The following CYP2C19 variants were observed in gnomAD, a reference collection of about 807,000 sequenced individuals.
CYP2C19 encodes cytochrome P450 family 2 subfamily C member 19, also known as cytochrome P450 2C19.
Under a neutral mutation model 40.9 loss-of-function variants are expected in CYP2C19, and 59 were observed. The ratio of observed to expected loss-of-function variants is 1.44; its 90% CI spans 1.17 to 1.79. The LOEUF is 1.79. Among genes scored for constraint, CYP2C19 ranks in the 40% most tolerant of loss-of-function variants. The probability of loss-of-function intolerance (pLI) is 0.00; values close to 1 mark genes in which losing one functional copy is unlikely to be tolerated. For missense variants in CYP2C19, 754 were observed against 596.9 expected (o/e 1.26, Z -2.74); for synonymous variants, 253 against 208.7 (o/e 1.21, Z -1.83).
intron 1 of CYP2C19, among the ~76,000 whole-genome samples, chr10:94,765,891 G>C (rs1848234468): frequency 6.6e-6 from 1 of 152,092 alleles, no homozygotes; most frequent in Non-Finnish European, 1.5e-5. Flanking sequence ...CCTGATAACA[G>C]GTTGCATTGC....
chr10:94,811,234 T>A (rs1009237489), intron 5 of CYP2C19, among the ~76,000 whole-genome samples: 2 of 152,220 alleles, frequency 1.3e-5, no homozygotes, highest in Non-Finnish European at 2.9e-5. Flanking sequence ...GATGGCACTG[T>A]GGTCTAATAG....
intron 5 of CYP2C19, among the ~76,000 whole-genome samples, chr10:94,818,210 C>A (rs1193574601): frequency 4.4e-4 from 64 of 144,932 alleles, no homozygotes; most frequent in African/African-American, 1.3e-3. Flanking sequence ...AGGTATGCGG[C>A]GTTATTTCTG....
chr10:94,764,068 T>C (rs1337523549), intron 1 of CYP2C19, among the ~76,000 whole-genome samples: 3 of 151,912 alleles, frequency 2.0e-5, no homozygotes, highest in African/African-American at 7.3e-5. Flanking sequence ...AGGAGTGAAG[T>C]TGCAGACCTT....
intron 1 of CYP2C19, among the ~76,000 whole-genome samples, chr10:94,767,421 T>G (rs183706641): frequency 6.6e-6 from 1 of 152,330 alleles, no homozygotes; most frequent in Non-Finnish European, 1.5e-5. Flanking sequence ...CTTTAATCAC[T>G]TTCTCAGCCT....
intron 1 of CYP2C19, among the ~76,000 whole-genome samples, chr10:94,763,813 C>T (rs941138317): frequency 4.6e-5 from 7 of 151,996 alleles, no homozygotes; most frequent in African/African-American, 1.4e-4. Flanking sequence ...TTCTTGGTCT[C>T]GCTGACTTCA....
At chr10:94,806,230 A>C (rs933257650) in intron 5 of CYP2C19, among the ~76,000 whole-genome samples, 1 of 152,156 alleles carries the variant, frequency 6.6e-6, no homozygotes, top group Admixed American at 6.5e-5. Flanking sequence ...CGCATGTGTC[A>C]GATTTTTCTT....
chr10:94,850,651 A>T (rs551958467), intron 8 of CYP2C19, among the ~76,000 whole-genome samples: 1 of 152,326 alleles, frequency 6.6e-6, no homozygotes, highest in South Asian at 2.1e-4. Flanking sequence ...AATGAGACAT[A>T]AGTAACTAAT....
intron 6 of CYP2C19, among the ~76,000 whole-genome samples, chr10:94,821,397 G>A (rs74152371): frequency 0.022 from 3,306 of 152,230 alleles, 116 homozygotes; most frequent in African/African-American, 0.074. Context: ...TCTTATTGAA[G>A]GATAAATGGT....
At chr10:94,787,626 G>A (rs1339083318) in intron 5 of CYP2C19, among the ~76,000 whole-genome samples, 1 of 151,992 alleles carries the variant, frequency 6.6e-6, no homozygotes, top group Non-Finnish European at 1.5e-5. Flanking sequence ...TTGTTAGTTT[G>A]ATGTTTTAAA....
chr10:94,808,023 T>C (rs1433857500), intron 5 of CYP2C19, among the ~76,000 whole-genome samples: 3 of 152,166 alleles, frequency 2.0e-5, no homozygotes, highest in Non-Finnish European at 4.4e-5. Context: ...ATCATTTCAT[T>C]TGTTTTGAGT....
chr10:94,841,768 A>G (rs1849498913), intron 6 of CYP2C19, among the ~76,000 whole-genome samples: 2 of 152,180 alleles, frequency 1.3e-5, no homozygotes, highest in South Asian at 4.1e-4. Context: ...ATTCATGAGC[A>G]TATTGTTTAA....
chr10:94,840,312 C>T (rs1313032885), intron 6 of CYP2C19, among the ~76,000 whole-genome samples: 3 of 150,162 alleles, frequency 2.0e-5, no homozygotes, highest in African/African-American at 7.4e-5. Flanking sequence ...CTCTCTCTCT[C>T]TTAGCCATTA....
rs761705296 is a variant in CYP2C19 at position 94,828,330 on chromosome 10, T to C, written c.961+7693T>C. On this transcript the variant is annotated intron_variant, in intron 6 of 8. Coordinates refer to ENST00000371321, the MANE Select transcript of CYP2C19 (RefSeq NM_000769.4). ...TTTGTAGGTCACTCAGGATTTGCTT[T>C]ATGAATCTTGGTGCTCCTGTATTGG... Among the ~76,000 whole-genome samples, 678 of 151,908 alleles carry C rather than the reference T, an allele frequency of 4.5e-3. 7 individuals are homozygous for C. Among genetic ancestry groups the C allele is most frequent in the African/African-American group, 0.015 (631 of 41,350 alleles).
chr10:94,789,485 G>T (rs1295519581), intron 5 of CYP2C19, among the ~76,000 whole-genome samples: 2 of 152,004 alleles, frequency 1.3e-5, no homozygotes, highest in East Asian at 3.9e-4. Flanking sequence ...TAGGGCTTAT[G>T]TTTAAGTCTT....
At chr10:94,831,146 G>A (rs950550110) in intron 6 of CYP2C19, among the ~76,000 whole-genome samples, 11 of 152,068 alleles carry the variant, frequency 7.2e-5, no homozygotes, top group Non-Finnish European at 1.3e-4. Context: ...TTCTGTACCT[G>A]GCTTATTTCA....
At chr10:94,821,549 A>G (rs1213402067) in intron 6 of CYP2C19, among the ~76,000 whole-genome samples, 1 of 152,216 alleles carries the variant, frequency 6.6e-6, no homozygotes, top group Non-Finnish European at 1.5e-5. Context: ...GATGTACCTG[A>G]GACAGTTTCT....
intron 5 of CYP2C19, among the ~76,000 whole-genome samples, chr10:94,787,703 C>T (rs1848560108): frequency 6.6e-6 from 1 of 152,008 alleles, no homozygotes; most frequent in Non-Finnish European, 1.5e-5. Context: ...CAGTTTTATT[C>T]TGCGTATGGC....
At position 94,853,506 on chromosome 10, in the gene CYP2C19, T is replaced by C. The variant is rs1849686306; in HGVS notation, c.*592T>C. Among the ~76,000 whole-genome samples, 1 of 151,514 alleles carries C rather than the reference T, an allele frequency of 6.6e-6. No individual in the cohort carries two copies. The highest frequency in any genetic ancestry group is 6.6e-5 in the Admixed American group (1 of 15,208). On this transcript the variant is annotated 3_prime_UTR_variant, in exon 9 of 9. Transcript: ENST00000371321. The stretch of plus-strand genomic sequence containing the variant: ...CTAGGGAAATATTCAGAGGATCAGG[T>C]ATTGGGAGGAATGGATATTAAATGT...
intron 3 of CYP2C19, among the ~76,000 whole-genome samples, chr10:94,779,350 C>T (rs917085639): frequency 6.6e-6 from 1 of 152,002 alleles, no homozygotes. Flanking sequence ...AGATCCTCCA[C>T]CAAACAAGAA....
Sources: gnomAD v4.1 joint callset for allele counts (sites outside exome capture counted in the v4.1 genomes callset) on GRCh38, gnomAD v4.1.1 for gene constraint, MANE v1.5 for transcripts, NCBI Gene and HGNC (gene_info 2026-07-23, HGNC 2026-07-21) for gene names.